Variants in LIPE observed in about 807,000 individuals in gnomAD.
LIPE encodes lipase E, hormone sensitive type.
LIPE carries 66 observed loss-of-function variants against 88.5 expected under a neutral mutation model. That is an observed-to-expected ratio of 0.75 (90% CI 0.61 to 0.91). The LOEUF (loss-of-function observed/expected upper bound fraction) is 0.91, where lower values mean the gene tolerates loss of function less well. Among genes scored for constraint, LIPE ranks in the 40% least tolerant of loss-of-function variants. LIPE has a pLI of 0.00. For synonymous variants in LIPE, 570 were observed against 617.5 expected (o/e 0.92, Z 1.14); for missense variants, 1,346 against 1,434.7 (o/e 0.94, Z 1.00).
chr19:42,419,422 C>T (rs1410391710), intron 1 of LIPE, among the ~76,000 whole-genome samples: 1 of 152,208 alleles, frequency 6.6e-6, no homozygotes, highest in Non-Finnish European at 1.5e-5. Context: ...TTCCAGGCGG[C>T]TCCCCGAGGA....
rs1236533581 is a variant in LIPE at position 42,402,034 on chromosome 19, G to C, written c.3009C>G (p.Leu1003=). 6.5e-7 allele frequency: 1 copy of C among 1,531,602 alleles called. No homozygotes were observed. Among genetic ancestry groups the C allele is most frequent in the Non-Finnish European group, 8.8e-7 (1 of 1,139,506 alleles). The allele number at this position is 1,531,602 out of a possible 1,614,324, so 94.9% of individuals were successfully genotyped here. A position where few individuals can be genotyped will look rare whatever the true frequency, so the allele number is the denominator to read the frequency against. ...GGCCCAGGTTGCGCAGTCGCCGCGC[G>C]AGCATGACCGAGTCGTCCAGCATGG... ...LDPMLDDSVM[L]ARRLRNLGQP... The change falls in exon 10 of 10, where the codon CTC becomes CTG. Residue 1003 remains leucine, a synonymous_variant. Transcript: ENST00000244289.
intron 1 of LIPE, among the ~76,000 whole-genome samples, chr19:42,419,153 C>T (rs1417172155): frequency 1.3e-5 from 2 of 152,188 alleles, no homozygotes; most frequent in Non-Finnish European, 2.9e-5. Context: ...TGGCGCGTGC[C>T]TGTAGTCCCA....
chr19:42,412,611 C>A, intron 1 of LIPE: 2 of 980,294 alleles, frequency 2.0e-6, no homozygotes, highest in Non-Finnish European at 2.4e-6. Context: ...GTTACAGGCT[C>A]CTCTGCCTTA....
In LIPE at chr19:42,407,030, G is replaced by C. The variant is rs2040206120; in HGVS notation, c.2137+144C>G. On this transcript the variant is annotated intron_variant, in intron 6 of 9. Coordinates refer to ENST00000244289, the MANE Select transcript of LIPE (RefSeq NM_005357.4). The surrounding 1 kb of genome is among the most constrained non-coding windows in gnomAD (Gnocchi z 5.8). ...AGAGGATAAAGTGGCTGAGGTGGAA[G>C]ATTGGGCAGGACCTGGGTGAGCAGG... 3 of 720,192 alleles carry C rather than the reference G, an allele frequency of 4.2e-6. No homozygotes were observed. The African/African-American group carries it at 5.4e-5, about 13-fold the overall frequency. The allele number at this position is 720,192 out of a possible 1,614,324, so 44.6% of individuals were successfully genotyped here.
At chr19:42,423,936 G>A (rs1327303955) in intron 1 of LIPE, 2 of 1,164,786 alleles carry the variant, frequency 1.7e-6, no homozygotes, top group South Asian at 1.7e-5. Context: ...TCCCAGGGAG[G>A]GATGCCCTAG....
In LIPE at chr19:42,408,635, G is replaced by A. The variant is rs185610559; in HGVS notation, c.1420-313C>T. Reference sequence around the variant, plus strand: ...GGGGTCAGGCTACTTAGCGGGTCTCGGAGGAGAGATCTGACTGAAGCGAGG... The same window carrying A: ...GGGGTCAGGCTACTTAGCGGGTCTCAGAGGAGAGATCTGACTGAAGCGAGG... On this transcript the variant is annotated intron_variant, in intron 2 of 9. Transcript: ENST00000244289. The surrounding 1 kb of genome is among the most constrained non-coding windows in gnomAD (Gnocchi z 4.3). 2.0e-5 allele frequency among the ~76,000 whole-genome samples: 3 copies of A among 151,940 alleles called. No homozygotes were observed. In the East Asian group the frequency reaches 5.8e-4, roughly 29 times the overall value.
At chr19:42,403,135 A>C (rs2147564977) in intron 8 of LIPE, 104 bp from the exon 9 acceptor site, 1 of 1,180,952 alleles carries the variant, frequency 8.5e-7, no homozygotes, top group Non-Finnish European at 1.2e-6. Context: ...GCGCTGTGAA[A>C]GGCTGTGTTT....
rs749223289 is a variant in LIPE at position 42,427,197 on chromosome 19, T to C, written c.-48A>G. 2 of 1,529,292 alleles carry C rather than the reference T, an allele frequency of 1.3e-6. No individual in the cohort carries two copies. Among genetic ancestry groups the C allele is most frequent in the East Asian group, 2.3e-5 (1 of 44,202 alleles). The allele number at this position is 1,529,292 out of a possible 1,614,324, so 94.7% of individuals were successfully genotyped here. ...ATTGATCTTCCAGGTTCTATCCTTC[T>C]GGGCTCCCACCCAGCCCTCTCTCTT... On this transcript the variant is annotated 5_prime_UTR_variant, in exon 1 of 10. Coordinates refer to ENST00000244289, the MANE Select transcript of LIPE (RefSeq NM_005357.4).
chr19:42,424,190 C>T, intron 1 of LIPE: 1 of 1,034,684 alleles, frequency 9.7e-7, no homozygotes, highest in Non-Finnish European at 1.3e-6. Flanking sequence ...CTAATCCATG[C>T]TCCCGATAAT....
At chr19:42,420,494 G>A (rs1211492018) in intron 1 of LIPE, among the ~76,000 whole-genome samples, 4 of 152,050 alleles carry the variant, frequency 2.6e-5, no homozygotes, top group Admixed American at 2.0e-4. Flanking sequence ...ACATGCTTGT[G>A]CGTGTCTTGG....
intron 1 of LIPE, among the ~76,000 whole-genome samples, chr19:42,420,214 C>G (rs896244554): frequency 6.6e-6 from 1 of 152,050 alleles, no homozygotes; most frequent in African/African-American, 2.4e-5. Flanking sequence ...GGCAGAGCTG[C>G]TGATCTCTGC....
chr19:42,423,894 G>A, intron 1 of LIPE: 1 of 1,146,762 alleles, frequency 8.7e-7, no homozygotes, highest in Non-Finnish European at 1.1e-6. Context: ...AGCCTCCCAT[G>A]TGCTGGCTCA....
chr19:42,424,668 C>G, intron 1 of LIPE: 1 of 456,072 alleles, frequency 2.2e-6, no homozygotes, highest in Middle Eastern at 3.3e-4. Flanking sequence ...CATTGCCTGC[C>G]CTCTGGACCA....
chr19:42,422,616 G>A (rs565968121), intron 1 of LIPE, among the ~76,000 whole-genome samples: 1 of 152,288 alleles, frequency 6.6e-6, no homozygotes, highest in African/African-American at 2.4e-5. Context: ...ACCTCCCACG[G>A]GTCCCCATGC....
At position 42,406,325 on chromosome 19, in the gene LIPE, A is replaced by G; in HGVS notation, c.2201T>C (p.Val734Ala). Residue 734 changes from valine to alanine, a missense_variant, in exon 7 of 10, where the codon GTG becomes GCG. Val to Ala is a moderately conservative substitution (Grantham distance 64). Transcript: ENST00000244289. This position sits in a 1 kb window ranked among gnomAD's most constrained non-coding sequence, Gnocchi z 5.7. ...DSAGGNLCFTVALRAAAYGVR... is the reference protein window; with the variant it reads ...DSAGGNLCFTAALRAAAYGVR... ...CCCGTAGGCTGCTGCCCGAAGAGCC[A>G]CGGTGAAGCAGAGGTTCCCGCCTGC... 1 of 1,614,170 alleles carries G rather than the reference A, an allele frequency of 6.2e-7. No individual in the cohort carries two copies. The highest frequency in any genetic ancestry group is 2.2e-5 in the East Asian group (1 of 44,882).
chr19:42,423,815 G>C, intron 1 of LIPE: 1 of 1,114,188 alleles, frequency 9.0e-7, no homozygotes, highest in African/African-American at 1.7e-5. Context: ...CGTCCTTCGG[G>C]CAGGACTAGT....
intron 1 of LIPE, among the ~76,000 whole-genome samples, chr19:42,411,881 C>G (rs895501929): frequency 6.6e-6 from 1 of 152,200 alleles, no homozygotes; most frequent in African/African-American, 2.4e-5. Context: ...CGTGCTAACC[C>G]TCTGGGACCC....
In LIPE at chr19:42,401,965, G is replaced by A; in HGVS notation, c.3078C>T (p.Phe1026=). Residue 1026 remains phenylalanine, a synonymous_variant, in exon 10 of 10, where the codon TTC becomes TTT. Transcript: ENST00000244289. ...CGCGGCACAGCGCCGCTAGGGTCAG[G>A]AAGCCGTGCGGCAGGTCCTCCACCA... is the stretch of plus-strand genomic sequence containing the variant. ...LRVVEDLPHG[F]LTLAALCRET... 2 of 1,557,448 alleles carry A rather than the reference G, an allele frequency of 1.3e-6. No individual in the cohort carries two copies. The highest frequency in any genetic ancestry group is 1.7e-6 in the Non-Finnish European group (2 of 1,154,604).
chr19:42,406,381 T>C lies in LIPE; in HGVS notation c.2145A>G (p.Thr715=), dbSNP rs917326267. The change falls in exon 7 of 10, where the codon ACA becomes ACG. Residue 715 remains threonine (T), a synonymous_variant. Transcript: ENST00000244289. This position sits in a 1 kb window ranked among gnomAD's most constrained non-coding sequence, Gnocchi z 5.7. ...CCCCCGCAAGGCAGATTCGTTCCCCTGTTGAGCCTGGTTTGGGAGAGGGGT... is the reference window on the plus strand; with the variant it reads ...CCCCCGCAAGGCAGATTCGTTCCCCCGTTGAGCCTGGTTTGGGAGAGGGGT... ...AIKHCALLGS[T]GERICLAGDS... 5 of 1,612,172 alleles carry C rather than the reference T, an allele frequency of 3.1e-6. No homozygotes were observed. The highest frequency in any genetic ancestry group is 3.3e-5 in the Admixed American group (2 of 59,960).
Sources: gnomAD v4.1 joint callset for allele counts (sites outside exome capture counted in the v4.1 genomes callset) on GRCh38, gnomAD v4.1.1 for gene constraint, Gnocchi (gnomAD v3.1) non-coding constraint, MANE v1.5 for transcripts, NCBI Gene and HGNC (gene_info 2026-07-23, HGNC 2026-07-21) for gene names.